The following ADCY2 variants were observed in gnomAD, a reference collection of about 807,000 sequenced individuals.
ADCY2 encodes the protein adenylate cyclase type 2.
Under a neutral mutation model 125.2 loss-of-function variants are expected in ADCY2, and 31 were observed. The ratio of observed to expected loss-of-function variants is 0.25; its 90% confidence interval spans 0.19 to 0.33. The LOEUF (loss-of-function observed/expected upper bound fraction) is 0.33. ADCY2 is among the 10% of genes least tolerant of loss of function. The pLI, the probability that ADCY2 is intolerant of heterozygous loss-of-function variation, is 1.00. For missense variants in ADCY2, 904 were observed against 1,418.2 expected, an observed-to-expected ratio of 0.64 and a Z score of 5.82; for synonymous variants, 512 against 548.4, an observed-to-expected ratio of 0.93 and a Z score of 0.93.
At chr5:7,641,518 A>T (rs1188466911) in intron 4 of ADCY2, among the ~76,000 whole-genome samples, 1 of 152,244 alleles carries the variant, frequency 6.6e-6, no homozygotes, top group East Asian at 1.9e-4. Context: ...GATTACCACA[A>T]ATATATCTTG....
chr5:7,525,358 C>A (rs539776624), intron 3 of ADCY2, among the ~76,000 whole-genome samples: 1 of 152,110 alleles, frequency 6.6e-6, no homozygotes. Context: ...GTGCAGTGGG[C>A]GCCTCTTCAA....
intron 2 of ADCY2, among the ~76,000 whole-genome samples, chr5:7,493,958 C>T (rs74988858): frequency 5.3e-5 from 8 of 152,042 alleles, no homozygotes; most frequent in South Asian, 4.2e-4. Context: ...TCCCCGGTCC[C>T]GGTGGAAACC....
intron 2 of ADCY2, among the ~76,000 whole-genome samples, chr5:7,446,541 C>A (rs1031236092): frequency 1.5e-4 from 19 of 124,512 alleles, no homozygotes; most frequent in South Asian, 6.7e-4. Context: ...GAAATAAATA[C>A]ATACATACAT....
intron 16 of ADCY2, among the ~76,000 whole-genome samples, chr5:7,759,260 T>C (rs1364798567): frequency 6.6e-6 from 1 of 152,086 alleles, no homozygotes; most frequent in Admixed American, 6.5e-5. Context: ...TTTCAGGAGC[T>C]CCCCAAGAAA....
chr5:7,581,290 A>T (rs1306827614), intron 3 of ADCY2, among the ~76,000 whole-genome samples: 1 of 151,972 alleles, frequency 6.6e-6, no homozygotes, highest in Non-Finnish European at 1.5e-5. Context: ...TATATAGTGT[A>T]TGTGTACACA....
At chr5:7,717,260 T>A in intron 12 of ADCY2, 23 bp downstream of exon 12, 1 of 1,523,606 alleles carries the variant, frequency 6.6e-7, no homozygotes, top group Non-Finnish European at 9.0e-7. Flanking sequence ...TTCTCTTAAA[T>A]TATCTTTCAT....
intron 15 of ADCY2, chr5:7,746,073 G>T (rs1742613147): frequency 6.6e-6 from 1 of 152,508 alleles, no homozygotes; most frequent in Non-Finnish European, 1.5e-5. Flanking sequence ...GACACCCACA[G>T]CTCCTCCTGC....
chr5:7,533,752 A>T (rs1453890389), intron 3 of ADCY2, among the ~76,000 whole-genome samples: 5 of 152,142 alleles, frequency 3.3e-5, no homozygotes, highest in Non-Finnish European at 1.5e-5. Flanking sequence ...TTCTGTTTTT[A>T]TTATTAATTT....
At chr5:7,454,141 A>C (rs1741579093) in intron 2 of ADCY2, among the ~76,000 whole-genome samples, 1 of 152,116 alleles carries the variant, frequency 6.6e-6, no homozygotes, top group South Asian at 2.1e-4. Context: ...TTCATGTCTG[A>C]CCAGCTGTCT....
At chr5:7,423,081 A>G (rs1740270884) in intron 2 of ADCY2, among the ~76,000 whole-genome samples, 1 of 152,230 alleles carries the variant, frequency 6.6e-6, no homozygotes, top group Non-Finnish European at 1.5e-5. Context: ...GAAGAAGCAC[A>G]CACCTAAGAA....
chr5:7,718,478 G>A (rs980903049), intron 12 of ADCY2, among the ~76,000 whole-genome samples: 3 of 152,014 alleles, frequency 2.0e-5, no homozygotes, highest in Admixed American at 6.6e-5. Flanking sequence ...ATTTATTATC[G>A]AATATTTACA....
intron 3 of ADCY2, among the ~76,000 whole-genome samples, chr5:7,577,814 C>T (rs1000260801): frequency 4.6e-5 from 7 of 152,020 alleles, no homozygotes; most frequent in Admixed American, 1.3e-4. Context: ...CATTGACCAG[C>T]GAAAAGAAAA....
intron 18 of ADCY2, among the ~76,000 whole-genome samples, chr5:7,782,736 A>G (rs1043012532): frequency 3.3e-5 from 5 of 152,228 alleles, no homozygotes; most frequent in Admixed American, 3.3e-4. Flanking sequence ...CACTTTCACT[A>G]TTCAATATAG....
intron 2 of ADCY2, among the ~76,000 whole-genome samples, chr5:7,514,585 G>T (rs766167333): frequency 1.3e-5 from 2 of 152,136 alleles, no homozygotes; most frequent in African/African-American, 2.4e-5. Flanking sequence ...GTCCTAATCC[G>T]CAGTACTTGT....
intron 3 of ADCY2, among the ~76,000 whole-genome samples, chr5:7,530,579 C>T (rs1168861760): frequency 6.7e-6 from 1 of 149,596 alleles, no homozygotes; most frequent in Non-Finnish European, 1.5e-5. Context: ...CATCTCAGAG[C>T]CAAGTCTCCC....
intron 4 of ADCY2, among the ~76,000 whole-genome samples, chr5:7,669,456 A>T (rs2126702496): frequency 6.6e-6 from 1 of 152,294 alleles, no homozygotes; most frequent in East Asian, 1.9e-4. Context: ...ACATTGAGAG[A>T]TGAGAATCCA....
At chr5:7,660,218 G>T (rs1249029272) in intron 4 of ADCY2, among the ~76,000 whole-genome samples, 2 of 139,104 alleles carry the variant, frequency 1.4e-5, no homozygotes, top group African/African-American at 2.7e-5. Context: ...AAAGGATGGA[G>T]GGAGGGAGGG....
intron 4 of ADCY2, among the ~76,000 whole-genome samples, chr5:7,647,942 C>T (rs143468703): frequency 1.3e-4 from 20 of 152,202 alleles, no homozygotes; most frequent in African/African-American, 4.8e-4. Flanking sequence ...TTCCTCCGTC[C>T]GATTAAAGGA....
chr5:7,648,763 G>A (rs972775954), intron 4 of ADCY2, among the ~76,000 whole-genome samples: 3 of 152,056 alleles, frequency 2.0e-5, no homozygotes, highest in African/African-American at 4.8e-5. Flanking sequence ...AAGCAAAAAA[G>A]GCATTATTTT....
Sources: gnomAD v4.1 joint callset for allele counts (sites outside exome capture counted in the v4.1 genomes callset) on GRCh38, gnomAD v4.1.1 for gene constraint, MANE v1.5 for transcripts, NCBI Gene and HGNC (gene_info 2026-07-23, HGNC 2026-07-21) for gene names.